MACROD2: variants seen among roughly 807,000 people sequenced by gnomAD.
MACROD2 encodes mono-ADP ribosylhydrolase 2.
MACROD2 carries 36 observed loss-of-function variants against 70.4 expected under a neutral mutation model. The ratio of observed to expected loss-of-function variants is 0.51; its 90% CI spans 0.39 to 0.68. The LOEUF is 0.68. Among genes scored for constraint, MACROD2 ranks in the 30% least tolerant of loss-of-function variants. The probability of loss-of-function intolerance (pLI) is 0.00; values close to 1 mark genes in which losing one functional copy is unlikely to be tolerated. For synonymous variants in MACROD2, 172 were observed against 178.8 expected, an observed-to-expected ratio of 0.96 and a Z score of 0.30; for missense variants, 496 against 538.4, an observed-to-expected ratio of 0.92 and a Z score of 0.78.
chr20:14,287,881 A>G (rs779887020), intron 3 of MACROD2, among the ~76,000 whole-genome samples: 1 of 152,152 alleles, frequency 6.6e-6, no homozygotes, highest in Non-Finnish European at 1.5e-5. Context: ...ATTTTCCAGC[A>G]TGGCTGCTTG....
chr20:14,679,647 A>T (rs1469310091), intron 4 of MACROD2, among the ~76,000 whole-genome samples: 1 of 152,218 alleles, frequency 6.6e-6, no homozygotes, highest in Non-Finnish European at 1.5e-5. Context: ...GAGTTTGTAC[A>T]TATAGGGGTA....
chr20:15,668,215 G>A (rs543535690), intron 8 of MACROD2, among the ~76,000 whole-genome samples: 1 of 151,264 alleles, frequency 6.6e-6, no homozygotes, highest in African/African-American at 2.4e-5. Flanking sequence ...AGCCAAGATT[G>A]TGCCATTGCA....
intron 8 of MACROD2, among the ~76,000 whole-genome samples, chr20:15,701,060 A>T (rs1185150144): frequency 6.6e-6 from 1 of 152,088 alleles, no homozygotes; most frequent in South Asian, 2.1e-4. Flanking sequence ...AGAACTGCTG[A>T]CCTCCACTAG....
chr20:15,024,505 T>TG (rs146422592), intron 5 of MACROD2, among the ~76,000 whole-genome samples: 25,046 of 152,026 alleles, frequency 0.16, 2,302 homozygotes, highest in African/African-American at 0.23. Context: ...GGGTTTCAAA[T>TG]GTGTTAGCAA....
chr20:15,995,649 C>CTTTTTT (rs71192310), intron 15 of MACROD2, among the ~76,000 whole-genome samples: 32 of 85,492 alleles, frequency 3.7e-4, no homozygotes, highest in South Asian at 1.2e-3. Flanking sequence ...TATGCCCGGC[C>CTTTTTT]TTTTTTTTTT....
chr20:14,095,519 C>T (rs758257062), intron 3 of MACROD2, among the ~76,000 whole-genome samples: 1 of 152,150 alleles, frequency 6.6e-6, no homozygotes, highest in Admixed American at 6.5e-5. Flanking sequence ...TGATTCACCT[C>T]TGGTTATACA....
At chr20:14,970,864 A>T (rs1212754548) in intron 5 of MACROD2, among the ~76,000 whole-genome samples, 1 of 151,774 alleles carries the variant, frequency 6.6e-6, no homozygotes, top group Non-Finnish European at 1.5e-5. Flanking sequence ...CAATCCTCCC[A>T]CCTCAGCCTC....
chr20:14,282,764 G>A (rs1273690476), intron 3 of MACROD2, among the ~76,000 whole-genome samples: 1 of 152,158 alleles, frequency 6.6e-6, no homozygotes, highest in Non-Finnish European at 1.5e-5. Context: ...GAGCAAGCAA[G>A]AGAGAGAAGT....
chr20:15,360,431 G>T (rs942472882), intron 6 of MACROD2, among the ~76,000 whole-genome samples: 2 of 152,068 alleles, frequency 1.3e-5, no homozygotes, highest in Non-Finnish European at 2.9e-5. Context: ...TTTGTAACAA[G>T]TTAGAAATAA....
intron 3 of MACROD2, among the ~76,000 whole-genome samples, chr20:14,364,989 A>T (rs925724246): frequency 2.6e-5 from 4 of 152,160 alleles, no homozygotes; most frequent in Non-Finnish European, 5.9e-5. Context: ...TCATAGAATG[A>T]ATTAGGAAGT....
At chr20:15,448,052 A>G (rs563913913) in intron 7 of MACROD2, among the ~76,000 whole-genome samples, 7 of 152,182 alleles carry the variant, frequency 4.6e-5, no homozygotes, top group African/African-American at 1.2e-4. Context: ...GTTACAGGCT[A>G]TGGAATTCAC....
At chr20:15,219,024 C>A (rs1404003000) in intron 5 of MACROD2, among the ~76,000 whole-genome samples, 1 of 151,614 alleles carries the variant, frequency 6.6e-6, no homozygotes, top group Admixed American at 6.6e-5. Context: ...CCAGCCTGGG[C>A]GACAGAGCGA....
chr20:14,459,441 A>T (rs932399095), intron 3 of MACROD2, among the ~76,000 whole-genome samples: 1 of 152,012 alleles, frequency 6.6e-6, no homozygotes, highest in African/African-American at 2.4e-5. Flanking sequence ...AATATTATAT[A>T]TGAACATCTG....
chr20:15,929,583 T>C (rs2065543013), intron 10 of MACROD2, among the ~76,000 whole-genome samples: 1 of 152,198 alleles, frequency 6.6e-6, no homozygotes. Flanking sequence ...AAGACAGCAG[T>C]ATACCAGCAG....
intron 4 of MACROD2, among the ~76,000 whole-genome samples, chr20:14,646,559 T>C (rs957111870): frequency 6.6e-6 from 1 of 152,102 alleles, no homozygotes; most frequent in Non-Finnish European, 1.5e-5. Context: ...TCATAAAAGC[T>C]GTAATGGTGG....
intron 5 of MACROD2, among the ~76,000 whole-genome samples, chr20:15,011,726 C>G (rs2075083922): frequency 6.6e-6 from 1 of 152,158 alleles, no homozygotes; most frequent in Non-Finnish European, 1.5e-5. Context: ...ACTGTCCTTG[C>G]TGCAGGATGA....
intron 15 of MACROD2, among the ~76,000 whole-genome samples, chr20:15,992,631 C>T (rs6080077): frequency 0.012 from 1,860 of 152,320 alleles, 20 homozygotes; most frequent in Non-Finnish European, 0.018. Flanking sequence ...CTCCAGCATC[C>T]GGCTACATCC....
chr20:15,296,113 GGTAAATTTCT>G (rs1250677525), intron 6 of MACROD2, among the ~76,000 whole-genome samples: 1 of 152,030 alleles, frequency 6.6e-6, no homozygotes, highest in Non-Finnish European at 1.5e-5. Flanking sequence ...CAACTGTCTT[GGTAAATTTCT>G]TTACCACCTA....
Position 15,876,625 on chromosome 20 carries a change from A to G in MACROD2, c.728-9139A>G, listed in dbSNP as rs138206661. Among the ~76,000 whole-genome samples, 701 of 152,278 alleles carry G rather than the reference A, an allele frequency of 4.6e-3. 4 individuals carry two copies. The highest frequency in any genetic ancestry group is 0.015 in the African/African-American group (603 of 41,540). On this transcript the variant is annotated intron_variant, in intron 9 of 17. Coordinates refer to ENST00000684519, the MANE Select transcript of MACROD2 (RefSeq NM_001351661.2). ...ATGATTTATATTCCTTTGGGTATAT[A>G]CCCAGTAATGGGATGGCTGGATCAA...
Sources: allele counts gnomAD v4.1 joint callset (sites outside exome capture counted in the v4.1 genomes callset), GRCh38; gene constraint gnomAD v4.1.1; transcripts MANE v1.5; gene names NCBI Gene and HGNC (gene_info 2026-07-23, HGNC 2026-07-21).